MAP3K14: variants seen among roughly 807,000 people sequenced by gnomAD.
MAP3K14 encodes mitogen-activated protein kinase kinase kinase 14, also known as NF-kappa-beta-inducing kinase.
Under a neutral mutation model 99.2 loss-of-function variants are expected in MAP3K14, and 16 were observed. The observed-to-expected ratio is 0.16, with a 90% CI of 0.11 to 0.24. The LOEUF is 0.24. Ranked by LOEUF, MAP3K14 falls within the 10% of genes least tolerant of loss-of-function variation. MAP3K14 has a pLI of 1.00. For synonymous variants in MAP3K14, 462 were observed against 492.4 expected, an observed-to-expected ratio of 0.94 and a Z score of 0.82; for missense variants, 784 against 1,208.7, an observed-to-expected ratio of 0.65 and a Z score of 5.21.
intron 1 of MAP3K14, among the ~76,000 whole-genome samples, 161 bp downstream of exon 1, chr17:45,316,775 CGCGCCCGCGGACCGCTGCGAGTGG>C (rs1416641552): frequency 6.6e-6 from 1 of 151,694 alleles, no homozygotes; most frequent in East Asian, 1.9e-4. Flanking sequence ...CGTGCGAGGG[CGCGCCCGCGGACCGCTGCGAGTGG>C]GTTGGACGGG....
intron 1 of MAP3K14, among the ~76,000 whole-genome samples, chr17:45,303,041 C>T (rs1014268243): frequency 4.6e-5 from 7 of 152,236 alleles, no homozygotes; most frequent in Admixed American, 3.3e-4. Flanking sequence ...TGGTTACAGG[C>T]CCGTGCTAGT....
At position 45,267,350 on chromosome 17, in the gene MAP3K14, C is replaced by T. The variant is rs1341329086; in HGVS notation, c.2326+56G>A. On this transcript the variant is annotated intron_variant, in intron 12 of 15. Coordinates refer to ENST00000344686, the MANE Select transcript of MAP3K14 (RefSeq NM_003954.5). This position sits in a 1 kb window ranked among gnomAD's most constrained non-coding sequence, Gnocchi z 5.1. Reference sequence around the variant, plus strand: ...GCAGGTAAAGAGAAACACCGGCCTCCGCGGGTGGCCCAGGGCCAGTGCTCA... The same window carrying T: ...GCAGGTAAAGAGAAACACCGGCCTCTGCGGGTGGCCCAGGGCCAGTGCTCA... The T allele has an allele frequency of 4.0e-6, 6 of 1,514,940 alleles. No homozygotes were observed. Among genetic ancestry groups the T allele is most frequent in the Middle Eastern group, 2.1e-4 (1 of 4,666 alleles). The allele number at this position is 1,514,940 out of a possible 1,614,324, so 93.8% of individuals were successfully genotyped here. A position where few individuals can be genotyped will look rare whatever the true frequency, so the allele number is the denominator to read the frequency against.
chr17:45,306,988 T>C (rs1260953952), intron 1 of MAP3K14, among the ~76,000 whole-genome samples: 3 of 152,250 alleles, frequency 2.0e-5, no homozygotes, highest in Non-Finnish European at 4.4e-5. Context: ...CCGGGAGTGG[T>C]GGCTCACACC....
chr17:45,307,202 G>C (rs1179092564), intron 1 of MAP3K14, among the ~76,000 whole-genome samples: 1 of 151,974 alleles, frequency 6.6e-6, no homozygotes, highest in Non-Finnish European at 1.5e-5. Context: ...AGGTTGCAGT[G>C]AGCCGAGATT....
chr17:45,278,945 G>A (rs575696083), intron 6 of MAP3K14, among the ~76,000 whole-genome samples: 1 of 152,072 alleles, frequency 6.6e-6, no homozygotes, highest in Admixed American at 6.5e-5. Flanking sequence ...TTACAAGTGT[G>A]AGCCACTGTG....
intron 1 of MAP3K14, among the ~76,000 whole-genome samples, chr17:45,314,642 G>A (rs1179479199): frequency 1.3e-5 from 2 of 151,532 alleles, no homozygotes; most frequent in Non-Finnish European, 2.9e-5. Flanking sequence ...ACAACCTTGA[G>A]ATGATGGAAG....
At chr17:45,308,668 A>C (rs1011868541) in intron 1 of MAP3K14, among the ~76,000 whole-genome samples, 4 of 151,142 alleles carry the variant, frequency 2.6e-5, no homozygotes, top group Non-Finnish European at 5.9e-5. Context: ...ATGCCCAGCT[A>C]ATCTTTTTTT....
At chr17:45,298,889 C>A (rs760500633) in intron 1 of MAP3K14, among the ~76,000 whole-genome samples, 1 of 152,162 alleles carries the variant, frequency 6.6e-6, no homozygotes, top group South Asian at 2.1e-4. Flanking sequence ...GCAGATGTGA[C>A]GGGAACACAG....
At chr17:45,312,083 G>T (rs1283977148) in intron 1 of MAP3K14, among the ~76,000 whole-genome samples, 2 of 152,228 alleles carry the variant, frequency 1.3e-5, no homozygotes, top group Non-Finnish European at 2.9e-5. Flanking sequence ...CCTCACGAAG[G>T]TCTGCTCAGG....
At chr17:45,308,018 T>C (rs2044443339) in intron 1 of MAP3K14, among the ~76,000 whole-genome samples, 1 of 152,180 alleles carries the variant, frequency 6.6e-6, no homozygotes, top group South Asian at 2.1e-4. Flanking sequence ...TGAGGGGTCA[T>C]ATTCTTGTCC....
At position 45,272,721 on chromosome 17, in the gene MAP3K14, C is replaced by T. The variant is rs2044150071; in HGVS notation, c.1657+782G>A. On this transcript the variant is annotated intron_variant, in intron 9 of 15. Transcript: ENST00000344686. This position sits in a 1 kb window ranked among gnomAD's most constrained non-coding sequence, Gnocchi z 4.1. ...TTGGGAGGCTGAGTGGGGCGGATCA[C>T]CTAAGGTCTGGAGTTTGAGACTGGC... 6.6e-6 allele frequency among the ~76,000 whole-genome samples: 1 copy of T among 152,202 alleles called. No homozygotes were observed. Among genetic ancestry groups the T allele is most frequent in the African/African-American group, 2.4e-5 (1 of 41,452 alleles).
At chr17:45,278,248 G>A (rs748022507) in intron 6 of MAP3K14, among the ~76,000 whole-genome samples, 8 of 152,144 alleles carry the variant, frequency 5.3e-5, no homozygotes, top group Non-Finnish European at 1.0e-4. Context: ...AGACCAAAGA[G>A]GTGGGAGGAG....
chr17:45,271,368 T>C, intron 9 of MAP3K14, 147 bp from the exon 10 acceptor site: 5 of 724,998 alleles, frequency 6.9e-6, no homozygotes, highest in Non-Finnish European at 8.4e-6. Flanking sequence ...TTCTTTGAGA[T>C]GGAGTCTTGC....
intron 1 of MAP3K14, among the ~76,000 whole-genome samples, chr17:45,316,094 ATT>A (rs1434963250): frequency 1.3e-5 from 2 of 152,164 alleles, no homozygotes; most frequent in Non-Finnish European, 2.9e-5. Flanking sequence ...TAGTTTTACC[ATT>A]TACTTTGCTG....
chr17:45,264,527 G>T lies in MAP3K14; in HGVS notation c.*109C>A. 7.4e-7 allele frequency: 1 copy of T among 1,354,474 alleles called. No homozygotes were observed. The highest frequency in any genetic ancestry group is 9.7e-7 in the Non-Finnish European group (1 of 1,026,548). 83.9% of individuals were successfully genotyped at this position (1,354,474 alleles called of 1,614,324 possible). A position where few individuals can be genotyped will look rare whatever the true frequency, so the allele number is the denominator to read the frequency against. ...GAGGCCCTGGTCCCACTGCTGAGCC[G>T]GGGGCTGGCAGATCCCTGGGAACGG... is the stretch of plus-strand genomic sequence containing the variant. On this transcript the variant is annotated 3_prime_UTR_variant, in exon 16 of 16. Coordinates refer to ENST00000344686, the MANE Select transcript of MAP3K14 (RefSeq NM_003954.5).
chr17:45,304,006 T>C (rs1179345912), intron 1 of MAP3K14, among the ~76,000 whole-genome samples: 1 of 150,024 alleles, frequency 6.7e-6, no homozygotes, highest in Non-Finnish European at 1.5e-5. Context: ...ATTTCTTTTC[T>C]TTTCTTTTTT....
intron 1 of MAP3K14, among the ~76,000 whole-genome samples, chr17:45,295,391 G>A (rs1021597964): frequency 2.0e-5 from 3 of 152,170 alleles, no homozygotes; most frequent in South Asian, 2.1e-4. Flanking sequence ...TTCATCCACC[G>A]AGGACCTCTA....
intron 5 of MAP3K14, 146 bp from the exon 6 acceptor site, chr17:45,285,095 C>A (rs1339036677): frequency 3.5e-6 from 3 of 850,018 alleles, no homozygotes; most frequent in Non-Finnish European, 1.8e-6. Context: ...GGGGCGAAGG[C>A]AGGGATCTGA....
At chr17:45,270,716 C>T (rs2044136391) in intron 10 of MAP3K14, 153 bp from the exon 11 acceptor site, 7 of 1,140,254 alleles carry the variant, frequency 6.1e-6, no homozygotes, top group Non-Finnish European at 8.4e-6. Context: ...AGTGAGGGCA[C>T]TTTTCCCAGG....
Sources: allele counts gnomAD v4.1 joint callset (sites outside exome capture counted in the v4.1 genomes callset), GRCh38; gene constraint gnomAD v4.1.1; non-coding constraint Gnocchi (gnomAD v3.1); transcripts MANE v1.5; gene names NCBI Gene and HGNC (gene_info 2026-07-23, HGNC 2026-07-21).